GPHN: variants seen among roughly 807,000 people sequenced by gnomAD.
The protein encoded by GPHN is gephyrin.
Under a neutral mutation model 95.5 loss-of-function variants are expected in GPHN, and 17 were observed. That is an observed-to-expected ratio of 0.18 (90% CI 0.12 to 0.27). GPHN has a LOEUF of 0.27. Among genes scored for constraint, GPHN ranks in the 10% least tolerant of loss-of-function variants. GPHN has a pLI of 1.00. For synonymous variants in GPHN, 320 were observed against 322.5 expected, an observed-to-expected ratio of 0.99 and a Z score of 0.08; for missense variants, 660 against 978.1, an observed-to-expected ratio of 0.67 and a Z score of 4.34.
chr14:66,788,561 A>T (rs778601859), intron 3 of GPHN, among the ~76,000 whole-genome samples: 7 of 152,212 alleles, frequency 4.6e-5, no homozygotes, highest in Non-Finnish European at 7.3e-5. Context: ...CACATTTGAC[A>T]TTGCATCCTG....
intron 1 of GPHN, among the ~76,000 whole-genome samples, chr14:66,671,279 T>C (rs541959571): frequency 1.3e-5 from 2 of 152,328 alleles, no homozygotes; most frequent in Admixed American, 6.5e-5. Context: ...AATCACTTAA[T>C]GAAGATAAGA....
intron 2 of GPHN, among the ~76,000 whole-genome samples, chr14:66,720,515 G>A (rs1296593451): frequency 1.3e-5 from 2 of 152,146 alleles, no homozygotes; most frequent in Non-Finnish European, 2.9e-5. Flanking sequence ...TGGACTCTAA[G>A]CCAAGAGTCT....
At chr14:67,006,479 G>A (rs890406379) in intron 9 of GPHN, among the ~76,000 whole-genome samples, 14 of 152,220 alleles carry the variant, frequency 9.2e-5, no homozygotes, top group Admixed American at 6.5e-5. Context: ...ATGCTTAAAT[G>A]TTCTTGTTGA....
chr14:67,500,398 C>T, the GPHN span, among the ~76,000 whole-genome samples: 1 of 151,704 alleles, frequency 6.6e-6, no homozygotes, highest in Non-Finnish European at 1.5e-5. Flanking sequence ...CTCTTGAACC[C>T]GAGAGGCAGA....
At chr14:66,802,370 A>G (rs972641526) in intron 3 of GPHN, among the ~76,000 whole-genome samples, 1 of 152,070 alleles carries the variant, frequency 6.6e-6, no homozygotes, top group African/African-American at 2.4e-5. Context: ...GGAGTGGTAT[A>G]CCCTCTGGCC....
At chr14:66,592,753 G>T (rs11790622) in intron 1 of GPHN, among the ~76,000 whole-genome samples, 2 of 152,180 alleles carry the variant, frequency 1.3e-5, no homozygotes, top group African/African-American at 2.4e-5. Flanking sequence ...ATTCCTCAAG[G>T]ATCTAGAACC....
Position 67,007,757 on chromosome 14 carries a change from A to T in GPHN, c.964-15876A>T, listed in dbSNP as rs186032052. Among the ~76,000 whole-genome samples the T allele has an allele frequency of 5.3e-5, 8 of 152,290 alleles. No homozygotes were observed. The East Asian group carries it at 1.5e-3, about 29-fold the overall frequency. ...TAACTGAACTCTATTTCTGATCTGA[A>T]ATGTTCCCCAGCTAGAGTTATCTAC... is the stretch of plus-strand genomic sequence containing the variant. On this transcript the variant is annotated intron_variant, in intron 9 of 22. Coordinates refer to ENST00000478722, the MANE Select transcript of GPHN (RefSeq NM_020806.5).
chr14:67,548,109 C>G, the GPHN span, among the ~76,000 whole-genome samples: 1 of 152,312 alleles, frequency 6.6e-6, no homozygotes, highest in Admixed American at 6.5e-5. Context: ...AGCTGTCTTT[C>G]TTGGCCTGCT....
At chr14:66,639,748 A>T (rs182006569) in intron 1 of GPHN, among the ~76,000 whole-genome samples, 2 of 152,194 alleles carry the variant, frequency 1.3e-5, no homozygotes, top group Admixed American at 1.3e-4. Flanking sequence ...ATATATGTGT[A>T]TATATGTAAC....
chr14:67,592,472 G>T, the GPHN span: 1 of 569,712 alleles, frequency 1.8e-6, no homozygotes, highest in African/African-American at 1.9e-5. Flanking sequence ...ATATTTTTAA[G>T]GAATACATTT....
chr14:66,744,553 C>T (rs925909274), intron 2 of GPHN, among the ~76,000 whole-genome samples: 1 of 152,182 alleles, frequency 6.6e-6, no homozygotes, highest in African/African-American at 2.4e-5. Context: ...ATACATTTTG[C>T]ATTTCTTACA....
intron 4 of GPHN, among the ~76,000 whole-genome samples, chr14:66,846,968 G>A (rs1377193940): frequency 6.6e-6 from 1 of 152,078 alleles, no homozygotes; most frequent in East Asian, 1.9e-4. Flanking sequence ...AGAAGGTTTA[G>A]TCATATTCAT....
At chr14:66,630,671 A>G (rs2063760014) in intron 1 of GPHN, among the ~76,000 whole-genome samples, 5 of 152,038 alleles carry the variant, frequency 3.3e-5, no homozygotes, top group African/African-American at 1.2e-4. Flanking sequence ...ACGGAGTTTC[A>G]CTGTGTTAGC....
chr14:66,637,713 A>G (rs903026299), intron 1 of GPHN, among the ~76,000 whole-genome samples: 2 of 152,172 alleles, frequency 1.3e-5, no homozygotes, highest in Admixed American at 1.3e-4. Flanking sequence ...TGTATTATAT[A>G]TTATGAATAT....
the GPHN span, among the ~76,000 whole-genome samples, chr14:67,565,101 G>T: frequency 1.3e-5 from 2 of 152,156 alleles, no homozygotes; most frequent in Admixed American, 6.5e-5. Context: ...TAAGGGCTTC[G>T]CACGGAGCCT....
At chr14:67,710,226 G>A in the GPHN span, among the ~76,000 whole-genome samples, 4 of 152,106 alleles carry the variant, frequency 2.6e-5, no homozygotes, top group East Asian at 1.9e-4. Context: ...TCATGGGCTC[G>A]TCCTCAAACT....
the GPHN span, among the ~76,000 whole-genome samples, chr14:67,662,757 A>T: frequency 6.6e-6 from 1 of 152,082 alleles, no homozygotes; most frequent in Non-Finnish European, 1.5e-5. Flanking sequence ...TACAAAAATT[A>T]GCCGGGCGTG....
At chr14:67,422,974 G>A in the GPHN span, among the ~76,000 whole-genome samples, 2 of 151,966 alleles carry the variant, frequency 1.3e-5, no homozygotes, top group African/African-American at 4.8e-5. Flanking sequence ...TGGGATTACA[G>A]GCATGCGCCA....
chr14:67,167,162 G>T (rs2082328417), intron 20 of GPHN, among the ~76,000 whole-genome samples: 1 of 152,054 alleles, frequency 6.6e-6, no homozygotes, highest in African/African-American at 2.4e-5. Context: ...GCATAAAAAA[G>T]TGTTAACCAT....
Sources: allele counts gnomAD v4.1 joint callset (sites outside exome capture counted in the v4.1 genomes callset), GRCh38; gene constraint gnomAD v4.1.1; transcripts MANE v1.5; gene names NCBI Gene and HGNC (gene_info 2026-07-23, HGNC 2026-07-21).